Variants in LRP2 observed in about 807,000 individuals in gnomAD.
LRP2 encodes the protein LDL receptor related protein 2.
In LRP2, 172 loss-of-function variants were observed where a neutral mutation model predicts 531.0. That is an observed-to-expected ratio of 0.32 (90% CI 0.29 to 0.37). The LOEUF is 0.37. Among genes scored for constraint, LRP2 ranks in the 10% least tolerant of loss-of-function variants. The pLI is 1.00. For missense variants in LRP2, 5,167 were observed against 5,868.3 expected, an observed-to-expected ratio of 0.88 and a Z score of 3.90; for synonymous variants, 1,992 against 2,027.6, an observed-to-expected ratio of 0.98 and a Z score of 0.47.
rs944278995 is a variant in LRP2 at position 169,268,352 on chromosome 2, T to C, written c.2320+2552A>G. Among the ~76,000 whole-genome samples the C allele has an allele frequency of 5.3e-5, 8 of 152,092 alleles. No individual in the cohort carries two copies. The Middle Eastern group carries it at 0.014, about 259-fold the overall frequency. On this transcript the variant is annotated intron_variant, in intron 16 of 78. Coordinates refer to ENST00000649046, the MANE Select transcript of LRP2 (RefSeq NM_004525.3). The stretch of plus-strand genomic sequence containing the variant: ...TCCCTGATGAACATTGATGCAAAAA[T>C]CCTCAATAAAATACTGGCAAACCGA...
At position 169,308,884 on chromosome 2, in the gene LRP2, G is replaced by A. The variant is rs533582481; in HGVS notation, c.311-1487C>T. On this transcript the variant is annotated intron_variant, in intron 3 of 78. Transcript: ENST00000649046. ...TTTCTCCACATCCTCTCCAGCACCT[G>A]TTGTTTCTTGACTTTTTAATGATCA... Among the ~76,000 whole-genome samples the A allele has an allele frequency of 2.0e-5, 3 of 152,210 alleles. No individual in the cohort carries two copies. The South Asian group carries it at 6.2e-4, about 32-fold the overall frequency.
At chr2:169,131,865 C>T (rs1257432068) in intron 77 of LRP2, among the ~76,000 whole-genome samples, 2 of 152,184 alleles carry the variant, frequency 1.3e-5, no homozygotes, top group Non-Finnish European at 2.9e-5. Context: ...GCTGCAAATG[C>T]ATTCATTAAA....
intron 4 of LRP2, among the ~76,000 whole-genome samples, chr2:169,299,938 G>C (rs756214049): frequency 3.9e-5 from 6 of 152,250 alleles, no homozygotes; most frequent in Non-Finnish European, 7.4e-5. Flanking sequence ...ATTGCTGGAT[G>C]AATGTCAATA....
At chr2:169,244,037 C>A (rs927462552) in intron 22 of LRP2, among the ~76,000 whole-genome samples, 3 of 152,174 alleles carry the variant, frequency 2.0e-5, no homozygotes, top group African/African-American at 7.2e-5. Flanking sequence ...GCCCCACCCA[C>A]AACATGAAAT....
At chr2:169,354,298 A>C (rs965964338) in intron 1 of LRP2, among the ~76,000 whole-genome samples, 1 of 152,228 alleles carries the variant, frequency 6.6e-6, no homozygotes, top group Non-Finnish European at 1.5e-5. Flanking sequence ...AGTTACCAGG[A>C]ATCTTCATGT....
chr2:169,309,576 G>T (rs978711236), intron 3 of LRP2, among the ~76,000 whole-genome samples: 1 of 152,100 alleles, frequency 6.6e-6, no homozygotes, highest in Non-Finnish European at 1.5e-5. Flanking sequence ...CTGTTCCATT[G>T]GTCTATATCT....
intron 50 of LRP2, among the ~76,000 whole-genome samples, chr2:169,185,094 C>T (rs1245247667): frequency 6.6e-6 from 1 of 152,168 alleles, no homozygotes; most frequent in African/African-American, 2.4e-5. Context: ...CTATGTACTT[C>T]AGGAGAGCAA....
Position 169,261,943 on chromosome 2 carries a change from C to T in LRP2, c.2321-2726G>A, listed in dbSNP as rs371001019. ...TGGGATGCAAGGCTGGTTCAATATA[C>T]GCAAATCAATAAATGTAATCCAGCA... On this transcript the variant is annotated intron_variant, in intron 16 of 78. Coordinates refer to ENST00000649046, the MANE Select transcript of LRP2 (RefSeq NM_004525.3). Among the ~76,000 whole-genome samples the T allele has an allele frequency of 7.8e-3, 1,168 of 150,108 alleles. 6 individuals are homozygous for T. The highest frequency in any genetic ancestry group is 0.01 in the African/African-American group (430 of 41,180).
Position 169,207,264 on chromosome 2 carries a change from G to A in LRP2, c.6470-14C>T, listed in dbSNP as rs748083526. 1 of 1,580,808 alleles carries A rather than the reference G, an allele frequency of 6.3e-7. No individual in the cohort carries two copies. Among genetic ancestry groups the A allele is most frequent in the Admixed American group, 1.7e-5 (1 of 59,886 alleles). On this transcript the variant is annotated splice_polypyrimidine_tract_variant and intron_variant, in intron 38 of 78. Coordinates refer to ENST00000649046, the MANE Select transcript of LRP2 (RefSeq NM_004525.3). ...AATAAAGATTTCCTATGGGAAAAATGAAAGTGCATGCTGATCAATGGAGAA... is the reference window on the plus strand; with the variant it reads ...AATAAAGATTTCCTATGGGAAAAATAAAAGTGCATGCTGATCAATGGAGAA...
intron 63 of LRP2, among the ~76,000 whole-genome samples, chr2:169,158,518 G>A (rs1686442032): frequency 6.6e-6 from 1 of 151,664 alleles, no homozygotes; most frequent in South Asian, 2.1e-4. Context: ...ATATATCTTG[G>A]TTTCAAAGAT....
intron 38 of LRP2, 39 bp downstream of exon 38, chr2:169,209,414 A>G (rs1354426755): frequency 6.3e-7 from 1 of 1,586,372 alleles, no homozygotes; most frequent in Non-Finnish European, 8.7e-7. Flanking sequence ...AAGATGACAG[A>G]GATGCAAACA....
chr2:169,170,701 AC>A (rs1337846978), intron 58 of LRP2, 34 bp from the exon 59 acceptor site: 1 of 1,409,108 alleles, frequency 7.1e-7, no homozygotes, highest in African/African-American at 1.4e-5. Context: ...ATGAGTGTGC[AC>A]CAGGAATCAC....
At chr2:169,180,827 G>A (rs953519448) in intron 52 of LRP2, among the ~76,000 whole-genome samples, 1 of 151,994 alleles carries the variant, frequency 6.6e-6, no homozygotes, top group African/African-American at 2.4e-5. Flanking sequence ...ATTCAATATG[G>A]GTATTGTTGT....
chr2:169,265,335 T>TTAC (rs892297910), intron 16 of LRP2, among the ~76,000 whole-genome samples: 2 of 152,060 alleles, frequency 1.3e-5, no homozygotes, highest in African/African-American at 4.8e-5. Flanking sequence ...TGCCTGAAGC[T>TTAC]CACCAGCTGA....
chr2:169,281,493 G>A (rs1683703210), intron 10 of LRP2, among the ~76,000 whole-genome samples: 2 of 151,912 alleles, frequency 1.3e-5, no homozygotes, highest in South Asian at 4.1e-4. Flanking sequence ...GGCCAAGGCA[G>A]GTAAATTATG....
chr2:169,292,219 A>T, intron 7 of LRP2, 34 bp downstream of exon 7: 1 of 1,448,342 alleles, frequency 6.9e-7, no homozygotes, highest in Non-Finnish European at 9.7e-7. Flanking sequence ...CTTGAAGAAA[A>T]TGCTTTTCAG....
chr2:169,169,950 T>G, intron 59 of LRP2, 132 bp from the exon 60 acceptor site: 1 of 709,868 alleles, frequency 1.4e-6, no homozygotes. Context: ...AACCCACAAC[T>G]TGTGGTTAGC....
At chr2:169,158,061 T>TATACACACACAC (rs71397692) in intron 63 of LRP2, among the ~76,000 whole-genome samples, 2 of 141,392 alleles carry the variant, frequency 1.4e-5, no homozygotes, top group East Asian at 2.1e-4. Flanking sequence ...ATTGATTATA[T>TATACACACACAC]ACACACACAC....
At chr2:169,138,808 A>T (rs1685613866) in intron 74 of LRP2, 102 bp from the exon 75 acceptor site, 2 of 1,324,100 alleles carry the variant, frequency 1.5e-6, no homozygotes, top group Non-Finnish European at 2.2e-6. Context: ...CCACATTGCC[A>T]AATCTTCCTC....
Sources: gnomAD v4.1 joint callset for allele counts (sites outside exome capture counted in the v4.1 genomes callset) on GRCh38, gnomAD v4.1.1 for gene constraint, MANE v1.5 for transcripts, NCBI Gene and HGNC (gene_info 2026-07-23, HGNC 2026-07-21) for gene names.